The following INSL6 variants were observed in gnomAD, a reference collection of about 807,000 sequenced individuals.
INSL6 encodes the protein insulin-like peptide INSL6.
INSL6 carries 16 observed loss-of-function variants against 9.4 expected under a neutral mutation model. That is an observed-to-expected ratio of 1.70 (90% CI 1.15 to 2.59). The LOEUF is 2.59. INSL6 is among the 30% of genes most tolerant of loss of function. The pLI is 0.00. For synonymous variants in INSL6, 154 were observed against 96.9 expected (o/e 1.59, Z -3.46); for missense variants, 391 against 257.3 (o/e 1.52, Z -3.56).
At chr9:5,132,517 C>T (rs568636599) in intron 3 of INSL6, among the ~76,000 whole-genome samples, 2 of 150,986 alleles carry the variant, frequency 1.3e-5, no homozygotes, top group East Asian at 3.9e-4. Flanking sequence ...AGCTGTTTAA[C>T]AATCAGATTC....
chr9:5,089,899 G>C, the INSL6 span: 1 of 1,373,910 alleles, frequency 7.3e-7, no homozygotes, highest in Non-Finnish European at 9.6e-7. Context: ...TAAATTCAAG[G>C]TATGTGTTTG....
the INSL6 span, among the ~76,000 whole-genome samples, chr9:5,074,202 C>T: frequency 6.6e-6 from 1 of 151,946 alleles, no homozygotes; most frequent in Admixed American, 6.6e-5. Flanking sequence ...TGATATGATA[C>T]TAGATATATT....
At chr9:5,035,178 A>T in the INSL6 span, among the ~76,000 whole-genome samples, 2 of 152,204 alleles carry the variant, frequency 1.3e-5, no homozygotes, top group African/African-American at 2.4e-5. Context: ...CCAAGACTAA[A>T]CCAGAAAGAA....
chr9:5,164,153 T>G lies in INSL6; in HGVS notation c.402A>C (p.Ser134=), dbSNP rs1186352981. ...PLGKTREFSS[S]HNINVYIHEN... Reference sequence around the variant, plus strand: ...CATGAATATATACATTGATATTATGTGATGAAGAAAATTCTCTTGTCTTAC... The same window carrying G: ...CATGAATATATACATTGATATTATGGGATGAAGAAAATTCTCTTGTCTTAC... Residue 134 remains serine, a synonymous_variant, in exon 2 of 2, where the codon TCA becomes TCC. Coordinates refer to ENST00000381641, the MANE Select transcript of INSL6 (RefSeq NM_007179.3). 6.2e-7 allele frequency: 1 copy of G among 1,607,642 alleles called. No homozygotes were observed. The highest frequency in any genetic ancestry group is 2.2e-5 in the East Asian group (1 of 44,786).
the INSL6 span, among the ~76,000 whole-genome samples, chr9:5,103,066 G>A: frequency 6.6e-6 from 1 of 151,508 alleles, no homozygotes; most frequent in Admixed American, 6.6e-5. Context: ...AATGTAAATG[G>A]GATGAATGCC....
chr9:5,150,466 T>C (rs531186868), intron 2 of INSL6, among the ~76,000 whole-genome samples: 103 of 152,146 alleles, frequency 6.8e-4, no homozygotes, highest in African/African-American at 2.3e-3. Context: ...AATACGCATA[T>C]GAAAAAATGC....
At chr9:5,126,342 C>G in intron 3 of INSL6, 1 of 1,597,396 alleles carries the variant, frequency 6.3e-7, no homozygotes, top group Non-Finnish European at 8.5e-7. Flanking sequence ...GGAATTTATG[C>G]GTATGATTGG....
chr9:4,995,507 A>T, the INSL6 span, among the ~76,000 whole-genome samples: 1 of 152,226 alleles, frequency 6.6e-6, no homozygotes, highest in African/African-American at 2.4e-5. Context: ...TATTTGTCAG[A>T]TAATCCTTCT....
chr9:5,012,029 C>G, the INSL6 span, among the ~76,000 whole-genome samples: 3 of 152,172 alleles, frequency 2.0e-5, no homozygotes, highest in African/African-American at 7.2e-5. Context: ...TTGCCTGTCC[C>G]TGGGCTTCGA....
At chr9:5,021,107 C>A in the INSL6 span, among the ~76,000 whole-genome samples, 2 of 152,282 alleles carry the variant, frequency 1.3e-5, no homozygotes, top group African/African-American at 4.8e-5. Flanking sequence ...CTCTCACTTA[C>A]TCTTTCCCCA....
the INSL6 span, among the ~76,000 whole-genome samples, chr9:5,062,829 A>G: frequency 1.3e-5 from 2 of 152,170 alleles, no homozygotes; most frequent in South Asian, 2.1e-4. Flanking sequence ...AGATTGAGCA[A>G]TACCTCATGT....
At chr9:5,026,408 G>A in the INSL6 span, among the ~76,000 whole-genome samples, 3 of 152,074 alleles carry the variant, frequency 2.0e-5, no homozygotes, top group South Asian at 2.1e-4. Flanking sequence ...ATAACTTACC[G>A]AAATTATTAC....
At chr9:5,025,949 A>T in the INSL6 span, among the ~76,000 whole-genome samples, 11 of 151,850 alleles carry the variant, frequency 7.2e-5, no homozygotes, top group Admixed American at 1.3e-4. Flanking sequence ...TTGTTCTAGC[A>T]CTCTTTGTCT....
intron 1 of INSL6, among the ~76,000 whole-genome samples, chr9:5,167,656 C>T (rs1021036148): frequency 3.9e-5 from 6 of 152,214 alleles, no homozygotes; most frequent in East Asian, 1.9e-4. Context: ...GCCACGCTAT[C>T]GTGGATCAGC....
intron 2 of INSL6, among the ~76,000 whole-genome samples, chr9:5,156,625 G>C (rs1824818601): frequency 6.6e-6 from 1 of 152,086 alleles, no homozygotes; most frequent in African/African-American, 2.4e-5. Context: ...CTAAAACTTT[G>C]CCTAGTTAAT....
Position 5,173,661 on chromosome 9 carries a change from G to C in INSL6, c.290-9396C>G, listed in dbSNP as rs1321758722. Among the ~76,000 whole-genome samples, 3 of 152,048 alleles carry C rather than the reference G, an allele frequency of 2.0e-5. No individual in the cohort carries two copies. In the South Asian group the frequency reaches 6.2e-4, roughly 32 times the overall value. On this transcript the variant is annotated intron_variant, in intron 1 of 1. Coordinates refer to ENST00000381641, the MANE Select transcript of INSL6 (RefSeq NM_007179.3). ...TCAGGAAAAATAGCTAATGCATGCT[G>C]AGCTTAATGCCTAGGTGATGGGTTG...
At chr9:5,126,761 G>A (rs764584653) in intron 3 of INSL6, 1 of 1,609,368 alleles carries the variant, frequency 6.2e-7, no homozygotes, top group South Asian at 1.1e-5. Flanking sequence ...CTCTTCGAGT[G>A]GATCAAATAA....
At chr9:5,090,451 C>T in the INSL6 span, 25 of 1,548,922 alleles carry the variant, frequency 1.6e-5, no homozygotes, top group Middle Eastern at 1.7e-4. Context: ...AAAAGGTCGG[C>T]GTAATCTAAA....
chr9:5,174,690 T>C (rs991825983), intron 1 of INSL6, among the ~76,000 whole-genome samples: 1 of 152,224 alleles, frequency 6.6e-6, no homozygotes, highest in Non-Finnish European at 1.5e-5. Flanking sequence ...TGAACTTCTA[T>C]CTGCAAACAA....
Sources: gnomAD v4.1 joint callset for allele counts (sites outside exome capture counted in the v4.1 genomes callset) on GRCh38, gnomAD v4.1.1 for gene constraint, MANE v1.5 for transcripts, NCBI Gene and HGNC (gene_info 2026-07-23, HGNC 2026-07-21) for gene names.